The following ANO2 variants were observed in gnomAD, a reference collection of about 807,000 sequenced individuals.
ANO2 encodes the protein anoctamin 2, also known as anoctamin-2.
ANO2 carries 101 observed loss-of-function variants against 124.2 expected under a neutral mutation model. That is an observed-to-expected ratio of 0.81 (90% CI 0.69 to 0.96). ANO2 has a LOEUF of 0.96. ANO2 is among the 40% of genes least tolerant of loss of function. ANO2 has a pLI of 0.00. For missense variants in ANO2, 1,293 were observed against 1,274.5 expected (o/e 1.01, Z -0.22); for synonymous variants, 486 against 482.5 (o/e 1.01, Z -0.09).
intron 16 of ANO2, among the ~76,000 whole-genome samples, chr12:5,626,749 A>G (rs1440749273): frequency 6.6e-6 from 1 of 152,214 alleles, no homozygotes; most frequent in Non-Finnish European, 1.5e-5. Context: ...GGGAGAATTC[A>G]TCCTGCAAGA....
At chr12:5,894,092 T>C (rs1939604777) in intron 3 of ANO2, among the ~76,000 whole-genome samples, 2 of 152,334 alleles carry the variant, frequency 1.3e-5, no homozygotes, top group South Asian at 4.1e-4. Context: ...TGAAGTAATT[T>C]ACACTCCCAC....
chr12:5,587,150 A>G (rs1943156686), intron 20 of ANO2, among the ~76,000 whole-genome samples: 1 of 152,208 alleles, frequency 6.6e-6, no homozygotes, highest in Non-Finnish European at 1.5e-5. Flanking sequence ...GAAAACATTC[A>G]TAGAGCACTT....
rs1373627556 is a variant in ANO2 at position 5,750,796 on chromosome 12, A to G, written c.1190+40T>C. The G allele has an allele frequency of 3.8e-6, 6 of 1,591,762 alleles. No homozygotes were observed. The Admixed American group carries it at 1.1e-4, about 28-fold the overall frequency. On this transcript the variant is annotated intron_variant, in intron 11 of 24. Coordinates refer to ENST00000682330, the MANE Select transcript of ANO2 (RefSeq NM_001364791.2). Reference sequence around the variant, plus strand: ...ACTGGGATGAAACTCCAAATTATTAACATATGGCAACTGAGCCCTTTTCTT... The same window carrying G: ...ACTGGGATGAAACTCCAAATTATTAGCATATGGCAACTGAGCCCTTTTCTT...
intron 3 of ANO2, among the ~76,000 whole-genome samples, chr12:5,901,761 G>T (rs111976279): frequency 0.012 from 1,782 of 152,310 alleles, 42 homozygotes; most frequent in African/African-American, 0.041. Context: ...AGCTGGGAAA[G>T]GAACTCCTAT....
chr12:5,568,136 C>CTTTTTTTTTTTT (rs71445654), intron 23 of ANO2, among the ~76,000 whole-genome samples: 1 of 112,778 alleles, frequency 8.9e-6, no homozygotes. Flanking sequence ...CCACCCTATG[C>CTTTTTTTTTTTT]TTTTTTTTTT....
At chr12:5,568,136 CTT>C (rs71445654) in intron 23 of ANO2, among the ~76,000 whole-genome samples, 484 of 112,690 alleles carry the variant, frequency 4.3e-3, no homozygotes, top group African/African-American at 0.014. Flanking sequence ...CCACCCTATG[CTT>C]TTTTTTTTTT....
At chr12:5,937,712 T>C (rs1488918171) in intron 1 of ANO2, among the ~76,000 whole-genome samples, 2 of 152,130 alleles carry the variant, frequency 1.3e-5, no homozygotes, top group African/African-American at 4.8e-5. Context: ...ATGTAGGAGT[T>C]TGCTGTTGTT....
At chr12:5,732,265 G>A (rs925404041) in intron 14 of ANO2, among the ~76,000 whole-genome samples, 12 of 152,084 alleles carry the variant, frequency 7.9e-5, no homozygotes, top group African/African-American at 2.7e-4. Flanking sequence ...GCCTGAAACT[G>A]TTTCTCCTCT....
chr12:5,855,151 G>A (rs373343821), intron 3 of ANO2, among the ~76,000 whole-genome samples: 3 of 152,114 alleles, frequency 2.0e-5, no homozygotes, highest in Non-Finnish European at 2.9e-5. Flanking sequence ...GAGAAGGAAC[G>A]AGCTGATAGC....
intron 7 of ANO2, among the ~76,000 whole-genome samples, chr12:5,813,553 T>C (rs982560182): frequency 2.0e-5 from 3 of 152,156 alleles, no homozygotes; most frequent in African/African-American, 7.2e-5. Flanking sequence ...CCGTCGCCCA[T>C]AATCACATGC....
intron 13 of ANO2, among the ~76,000 whole-genome samples, chr12:5,736,451 A>G (rs569442312): frequency 2.0e-5 from 3 of 152,328 alleles, no homozygotes; most frequent in Non-Finnish European, 4.4e-5. Flanking sequence ...TTAAGGTTAT[A>G]GAAAGCTAGA....
At chr12:5,695,772 C>T (rs1220628510) in intron 14 of ANO2, among the ~76,000 whole-genome samples, 4 of 148,738 alleles carry the variant, frequency 2.7e-5, no homozygotes, top group Non-Finnish European at 4.5e-5. Flanking sequence ...ACCTGGGAGG[C>T]GGAGGTTTTG....
chr12:5,910,325 C>G (rs568582090), intron 3 of ANO2, among the ~76,000 whole-genome samples: 1 of 152,082 alleles, frequency 6.6e-6, no homozygotes, highest in Non-Finnish European at 1.5e-5. Flanking sequence ...ATTACAGGCA[C>G]GTGCCACCAA....
At chr12:5,707,857 T>C (rs1441642680) in intron 14 of ANO2, among the ~76,000 whole-genome samples, 1 of 152,216 alleles carries the variant, frequency 6.6e-6, no homozygotes, top group Non-Finnish European at 1.5e-5. Context: ...TTCTAAACAA[T>C]ATTTGTTGAC....
chr12:5,765,168 G>A (rs1295403994), intron 10 of ANO2, among the ~76,000 whole-genome samples: 1 of 152,208 alleles, frequency 6.6e-6, no homozygotes, highest in Non-Finnish European at 1.5e-5. Context: ...TACCATTTAA[G>A]AGAAACAGTA....
chr12:5,752,962 G>C (rs771373631), intron 10 of ANO2, among the ~76,000 whole-genome samples: 3 of 152,130 alleles, frequency 2.0e-5, no homozygotes, highest in Non-Finnish European at 4.4e-5. Flanking sequence ...ATTTATTGAA[G>C]AGTAAGTAGT....
intron 17 of ANO2, among the ~76,000 whole-genome samples, chr12:5,614,135 G>A (rs1004457438): frequency 1.3e-5 from 2 of 152,204 alleles, no homozygotes; most frequent in Non-Finnish European, 2.9e-5. Context: ...TTCCTTGTAA[G>A]TAGCCAACTG....
intron 14 of ANO2, among the ~76,000 whole-genome samples, chr12:5,674,886 C>T (rs150822059): frequency 1.0e-3 from 154 of 152,286 alleles, no homozygotes; most frequent in African/African-American, 3.6e-3. Flanking sequence ...GTAAATAGTA[C>T]TTATTTTATC....
chr12:5,622,556 A>G (rs1945166776), intron 16 of ANO2, among the ~76,000 whole-genome samples: 1 of 152,194 alleles, frequency 6.6e-6, no homozygotes, highest in Admixed American at 6.5e-5. Context: ...GTGAGGGAAC[A>G]AATGAAGGTT....
Sources: gnomAD v4.1 joint callset for allele counts (sites outside exome capture counted in the v4.1 genomes callset) on GRCh38, gnomAD v4.1.1 for gene constraint, MANE v1.5 for transcripts, NCBI Gene and HGNC (gene_info 2026-07-23, HGNC 2026-07-21) for gene names.